Variants in PTPRD observed in about 807,000 individuals in gnomAD.
PTPRD encodes receptor-type tyrosine-protein phosphatase delta.
A neutral mutation model predicts 214.5 loss-of-function variants in PTPRD; 34 were observed. That is an observed-to-expected ratio of 0.16 (90% confidence interval 0.12 to 0.21). The LOEUF (loss-of-function observed/expected upper bound fraction) is 0.21. Among genes scored for constraint, PTPRD ranks in the 10% least tolerant of loss-of-function variants. PTPRD has a pLI of 1.00. For missense variants in PTPRD, 2,545 were observed against 2,398.7 expected, an observed-to-expected ratio of 1.06 and a Z score of -1.27; for synonymous variants, 1,128 against 845.7, an observed-to-expected ratio of 1.33 and a Z score of -5.79.
intron 7 of PTPRD, among the ~76,000 whole-genome samples, chr9:9,640,639 T>C (rs975102195): frequency 1.4e-4 from 21 of 152,282 alleles, no homozygotes; most frequent in Middle Eastern, 3.4e-3. Context: ...AGAAGAATTT[T>C]TATGGAGGAG....
chr9:9,674,633 C>T (rs958443799), intron 7 of PTPRD, among the ~76,000 whole-genome samples: 7 of 151,656 alleles, frequency 4.6e-5, no homozygotes, highest in Non-Finnish European at 1.0e-4. Flanking sequence ...AAGCCAAATA[C>T]ATACCTTGAA....
intron 3 of PTPRD, among the ~76,000 whole-genome samples, chr9:10,147,156 C>T (rs1474936262): frequency 6.6e-6 from 1 of 152,100 alleles, no homozygotes; most frequent in Non-Finnish European, 1.5e-5. Flanking sequence ...CTTTTCTATC[C>T]CTCTGACATG....
chr9:8,488,771 T>C (rs1315458644), intron 27 of PTPRD, among the ~76,000 whole-genome samples: 2 of 152,224 alleles, frequency 1.3e-5, no homozygotes, highest in Non-Finnish European at 2.9e-5. Flanking sequence ...AGTGATGGTG[T>C]CAAGGATTAA....
At chr9:10,271,447 G>A (rs1363429519) in intron 3 of PTPRD, among the ~76,000 whole-genome samples, 1 of 141,180 alleles carries the variant, frequency 7.1e-6, no homozygotes, top group East Asian at 2.1e-4. Flanking sequence ...CACAAAAATT[G>A]CAATGAAAAA....
At chr9:8,729,349 C>T (rs181954565) in intron 12 of PTPRD, among the ~76,000 whole-genome samples, 357 of 152,094 alleles carry the variant, frequency 2.3e-3, no homozygotes, top group African/African-American at 8.2e-3. Flanking sequence ...AGAACTCCTA[C>T]ATATAGGACT....
chr9:8,545,933 G>T (rs1274044492), intron 14 of PTPRD, among the ~76,000 whole-genome samples: 1 of 152,194 alleles, frequency 6.6e-6, no homozygotes, highest in Non-Finnish European at 1.5e-5. Flanking sequence ...ACGTAGAAGT[G>T]CTCACTTTGT....
chr9:10,552,252 T>C (rs2061509231), intron 2 of PTPRD, among the ~76,000 whole-genome samples: 1 of 113,426 alleles, frequency 8.8e-6, no homozygotes. Context: ...AAAACCAAGC[T>C]TTTTTATCTG....
intron 9 of PTPRD, among the ~76,000 whole-genome samples, chr9:9,275,833 ATGTGTG>A (rs71500979): frequency 6.6e-4 from 94 of 143,272 alleles, no homozygotes; most frequent in Middle Eastern, 3.5e-3. Flanking sequence ...GTGTGTGTGT[ATGTGTG>A]TGTGTGTGTG....
Position 10,493,038 on chromosome 9 carries a change from C to T in PTPRD, c.-600+119360G>A, listed in dbSNP as rs1384559763. The stretch of plus-strand genomic sequence containing the variant: ...ATACAATACCTAGGAATACAACTTA[C>T]AAGAGATGTGAGGGACCTGTTCAAG... On this transcript the variant is annotated intron_variant, in intron 2 of 45. Transcript: ENST00000381196. Among the ~76,000 whole-genome samples, 14 of 152,224 alleles carry T rather than the reference C, an allele frequency of 9.2e-5. No homozygotes were observed. The East Asian group carries it at 2.3e-3, about 25-fold the overall frequency.
intron 10 of PTPRD, among the ~76,000 whole-genome samples, chr9:9,159,606 T>C (rs1280892693): frequency 6.6e-6 from 1 of 152,114 alleles, no homozygotes; most frequent in African/African-American, 2.4e-5. Flanking sequence ...TTGGAAGAAC[T>C]AATATTGTTA....
chr9:8,751,477 A>T (rs2093527097), intron 11 of PTPRD, among the ~76,000 whole-genome samples: 1 of 151,986 alleles, frequency 6.6e-6, no homozygotes, highest in African/African-American at 2.4e-5. Context: ...TTTTTGTTTG[A>T]ACATTTTAAA....
intron 2 of PTPRD, among the ~76,000 whole-genome samples, chr9:10,518,935 C>G (rs2051142777): frequency 1.3e-5 from 2 of 151,658 alleles, no homozygotes; most frequent in Admixed American, 1.3e-4. Flanking sequence ...ATGAACAGGG[C>G]AAGAAGATGC....
intron 10 of PTPRD, among the ~76,000 whole-genome samples, chr9:9,031,105 G>T (rs148104988): frequency 6.6e-6 from 1 of 151,980 alleles, no homozygotes; most frequent in Non-Finnish European, 1.5e-5. Context: ...CATCTTGGTA[G>T]AATTGAATGT....
rs1398075287 is a variant in PTPRD at position 9,495,794 on chromosome 9, C to A, written c.-237+78938G>T. ...GTGCAGGTACCCAAAACTGTTGTCA[C>A]ACTGACCCTTTGCCCTCACTGGCAG... On this transcript the variant is annotated intron_variant, in intron 8 of 45. Coordinates refer to ENST00000381196, the MANE Select transcript of PTPRD (RefSeq NM_002839.4). 3.9e-5 allele frequency among the ~76,000 whole-genome samples: 6 copies of A among 152,232 alleles called. No homozygotes were observed. In the East Asian group the frequency reaches 9.6e-4, roughly 24 times the overall value.
chr9:8,425,698 T>C (rs1014161500), intron 35 of PTPRD, among the ~76,000 whole-genome samples: 3 of 152,160 alleles, frequency 2.0e-5, no homozygotes, highest in Non-Finnish European at 2.9e-5. Flanking sequence ...TAGAAGACTA[T>C]GGACTCATTC....
chr9:9,876,151 G>C (rs2066800489), intron 5 of PTPRD, among the ~76,000 whole-genome samples: 1 of 152,112 alleles, frequency 6.6e-6, no homozygotes, highest in Admixed American at 6.6e-5. Flanking sequence ...ATGATTATGG[G>C]TACCTGAGTT....
intron 39 of PTPRD, 83 bp from the exon 40 acceptor site, chr9:8,342,061 T>G (rs1852940016): frequency 7.5e-7 from 1 of 1,332,816 alleles, no homozygotes; most frequent in South Asian, 1.6e-5. Flanking sequence ...TTATTCTTAT[T>G]AACTAGACCT....
chr9:8,549,312 A>C (rs996240730), intron 14 of PTPRD, among the ~76,000 whole-genome samples: 18 of 152,150 alleles, frequency 1.2e-4, no homozygotes, highest in African/African-American at 4.1e-4. Flanking sequence ...TTCCTTCGTG[A>C]ATGATGGTAG....
chr9:8,335,440 C>G (rs1319702148), intron 43 of PTPRD, among the ~76,000 whole-genome samples: 21 of 152,186 alleles, frequency 1.4e-4, no homozygotes, highest in East Asian at 3.9e-4. Flanking sequence ...CAAAATTCAA[C>G]ACCACTTTGT....
Sources: gnomAD v4.1 joint callset for allele counts (sites outside exome capture counted in the v4.1 genomes callset) on GRCh38, gnomAD v4.1.1 for gene constraint, MANE v1.5 for transcripts, NCBI Gene and HGNC (gene_info 2026-07-23, HGNC 2026-07-21) for gene names.